Variants in KIAA0825 observed in about 807,000 individuals in gnomAD.
The protein encoded by KIAA0825 is uncharacterized protein KIAA0825.
KIAA0825 carries 119 observed loss-of-function variants against 147.6 expected under a neutral mutation model. That is an observed-to-expected ratio of 0.81 (90% CI 0.69 to 0.94). The LOEUF (loss-of-function observed/expected upper bound fraction) is 0.94, where lower values mean the gene tolerates loss of function less well. Ranked by LOEUF, KIAA0825 falls within the 40% of genes least tolerant of loss-of-function variation. KIAA0825 has a pLI of 0.00. For missense variants in KIAA0825, 1,381 were observed against 1,472.7 expected, an observed-to-expected ratio of 0.94 and a Z score of 1.02; for synonymous variants, 470 against 518.1, an observed-to-expected ratio of 0.91 and a Z score of 1.26.
chr5:94,344,279 T>A (rs902174729), intron 20 of KIAA0825, among the ~76,000 whole-genome samples: 4 of 152,128 alleles, frequency 2.6e-5, no homozygotes, highest in Non-Finnish European at 4.4e-5. Flanking sequence ...AATATACAGC[T>A]TCATCTATAT....
chr5:94,525,327 T>C (rs1226618679), intron 3 of KIAA0825, among the ~76,000 whole-genome samples: 1 of 151,924 alleles, frequency 6.6e-6, no homozygotes, highest in Non-Finnish European at 1.5e-5. Flanking sequence ...GGGTTGCCTA[T>C]AAAACATACA....
intron 5 of KIAA0825, among the ~76,000 whole-genome samples, chr5:94,495,588 C>T (rs2151091978): frequency 1.3e-5 from 2 of 152,288 alleles, no homozygotes; most frequent in East Asian, 3.9e-4. Flanking sequence ...CTAAGGAGGG[C>T]CATACCTCAC....
chr5:94,250,645 A>G (rs1261000996), intron 20 of KIAA0825, among the ~76,000 whole-genome samples: 1 of 152,144 alleles, frequency 6.6e-6, no homozygotes, highest in Non-Finnish European at 1.5e-5. Flanking sequence ...TGAATTTAAG[A>G]GTCAAAGATA....
chr5:94,443,422 G>A (rs76876998), intron 13 of KIAA0825, among the ~76,000 whole-genome samples: 3,311 of 151,370 alleles, frequency 0.022, 85 homozygotes, highest in East Asian at 0.13. Context: ...GAATTCCACC[G>A]TAATACAAAG....
At chr5:94,609,349 T>G (rs1788253276) in intron 1 of KIAA0825, among the ~76,000 whole-genome samples, 2 of 152,322 alleles carry the variant, frequency 1.3e-5, no homozygotes, top group South Asian at 4.1e-4. Flanking sequence ...ATTTTTGTTT[T>G]GAAAAATATA....
chr5:94,465,515 G>GT (rs1760378776), intron 10 of KIAA0825, among the ~76,000 whole-genome samples: 1 of 152,134 alleles, frequency 6.6e-6, no homozygotes, highest in Non-Finnish European at 1.5e-5. Context: ...TTATAATGAA[G>GT]TAACAGGAGT....
chr5:94,483,665 A>T (rs758184132), intron 6 of KIAA0825, among the ~76,000 whole-genome samples: 16 of 151,708 alleles, frequency 1.1e-4, no homozygotes, highest in Non-Finnish European at 2.1e-4. Flanking sequence ...AATTTGAAAA[A>T]GTAATCTATG....
At chr5:94,271,984 A>G (rs1237103693) in intron 20 of KIAA0825, among the ~76,000 whole-genome samples, 1 of 152,080 alleles carries the variant, frequency 6.6e-6, no homozygotes, top group Non-Finnish European at 1.5e-5. Context: ...CTATTCAGTT[A>G]TAAAAACAAA....
intron 15 of KIAA0825, among the ~76,000 whole-genome samples, chr5:94,410,955 G>T (rs1171990098): frequency 6.6e-6 from 1 of 152,058 alleles, no homozygotes; most frequent in Non-Finnish European, 1.5e-5. Flanking sequence ...AAATATAAAA[G>T]ACTTTTTCCC....
chr5:94,593,280 A>C (rs1784667261), intron 1 of KIAA0825: 2 of 772,564 alleles, frequency 2.6e-6, no homozygotes, highest in African/African-American at 1.7e-5. Flanking sequence ...ATTTTAGTCC[A>C]TTAATGGGAA....
At chr5:94,381,692 C>T (rs1489740436) in intron 20 of KIAA0825, among the ~76,000 whole-genome samples, 2 of 152,042 alleles carry the variant, frequency 1.3e-5, no homozygotes, top group South Asian at 2.1e-4. Flanking sequence ...CACTCTTGAC[C>T]GTGTCAACAA....
Position 94,466,736 on chromosome 5 carries a change from C to CAA in KIAA0825, c.1873-1679_1873-1678dup, listed in dbSNP as rs56785201. Among the ~76,000 whole-genome samples the CAA allele has an allele frequency of 4.9e-3, 297 of 60,630 alleles. 1 individual carries two copies. Among genetic ancestry groups the CAA allele is most frequent in the Middle Eastern group, 8.9e-3 (1 of 112 alleles). The allele number at this position is 60,630 out of a possible 152,430, so 39.8% of individuals were successfully genotyped here. A position where few individuals can be genotyped will look rare whatever the true frequency, so the allele number is the denominator to read the frequency against. ...TGGGTGACAGAGCGAGACTGTGTCT[C>CAA]AAAAAAAAAAAAAAAAAAAAAAAAA... is the stretch of plus-strand genomic sequence containing the variant. On this transcript the variant is annotated intron_variant, in intron 10 of 20. Transcript: ENST00000682413.
intron 20 of KIAA0825, among the ~76,000 whole-genome samples, chr5:94,282,141 G>C (rs1335114542): frequency 6.6e-6 from 1 of 152,026 alleles, no homozygotes; most frequent in East Asian, 1.9e-4. Flanking sequence ...GCTTATTTTA[G>C]AATCAGAGTT....
At chr5:94,166,593 C>T (rs1286022483) in intron 20 of KIAA0825, among the ~76,000 whole-genome samples, 2 of 148,240 alleles carry the variant, frequency 1.3e-5, no homozygotes, top group Non-Finnish European at 1.5e-5. Flanking sequence ...CTGCAAACTC[C>T]GCCTCCCGGG....
chr5:94,151,134 A>G lies in KIAA0825; in HGVS notation c.*2873T>C, dbSNP rs1766444707. ...CACTTCTTATTATACTTAAAAAAAC[A>G]TGGCCGGGCGCGGTGGCTCACGCCT... On this transcript the variant is annotated 3_prime_UTR_variant, in exon 21 of 21. Transcript: ENST00000682413. Among the ~76,000 whole-genome samples, 1 of 152,122 alleles carries G rather than the reference A, an allele frequency of 6.6e-6. No homozygotes were observed. Among genetic ancestry groups the G allele is most frequent in the Non-Finnish European group, 1.5e-5 (1 of 68,018 alleles).
At chr5:94,507,813 A>G (rs895702095) in intron 5 of KIAA0825, among the ~76,000 whole-genome samples, 1 of 152,230 alleles carries the variant, frequency 6.6e-6, no homozygotes, top group East Asian at 1.9e-4. Flanking sequence ...AGTTTAACAA[A>G]GTAAAAACAA....
chr5:94,531,838 T>C (rs1584797751), intron 3 of KIAA0825, among the ~76,000 whole-genome samples: 1 of 152,310 alleles, frequency 6.6e-6, no homozygotes, highest in Non-Finnish European at 1.5e-5. Flanking sequence ...AGTGCCACAA[T>C]ACTGCCAGAA....
At chr5:94,505,904 T>C (rs1027349775) in intron 5 of KIAA0825, among the ~76,000 whole-genome samples, 1 of 152,232 alleles carries the variant, frequency 6.6e-6, no homozygotes, top group African/African-American at 2.4e-5. Flanking sequence ...GCTGGCAGCA[T>C]GTCAGTCTCA....
intron 20 of KIAA0825, among the ~76,000 whole-genome samples, chr5:94,252,095 G>A (rs1200949071): frequency 6.6e-6 from 1 of 151,782 alleles, no homozygotes; most frequent in Non-Finnish European, 1.5e-5. Flanking sequence ...AATTTGATTT[G>A]GTAATCTTAT....
Sources: gnomAD v4.1 joint callset for allele counts (sites outside exome capture counted in the v4.1 genomes callset) on GRCh38, gnomAD v4.1.1 for gene constraint, MANE v1.5 for transcripts, NCBI Gene and HGNC (gene_info 2026-07-23, HGNC 2026-07-21) for gene names.